Variants in HTR1D observed in about 807,000 individuals in gnomAD.
HTR1D encodes 5-HT-1D.
Under a neutral mutation model 21.1 loss-of-function variants are expected in HTR1D, and 18 were observed. The ratio of observed to expected loss-of-function variants is 0.85; its 90% CI spans 0.59 to 1.27. HTR1D has a LOEUF of 1.27. Among genes scored for constraint, HTR1D ranks in the 50% most tolerant of loss-of-function variants. The pLI is 0.00. For missense variants in HTR1D, 456 were observed against 481.4 expected, an observed-to-expected ratio of 0.95 and a Z score of 0.49; for synonymous variants, 196 against 204.4, an observed-to-expected ratio of 0.96 and a Z score of 0.35.
rs1405565413 is a variant in HTR1D, at chr1:23,193,350, C to T, written c.870G>A (p.Arg290=). 6.2e-7 allele frequency: 1 copy of T among 1,614,188 alleles called. No homozygotes were observed. The highest frequency in any genetic ancestry group is 2.2e-5 in the East Asian group (1 of 44,886). The change falls in exon 2 of 2, where the codon AGG becomes AGA. Residue 290 remains arginine, a synonymous_variant. Transcript: ENST00000374619. ...KLADSALERK[R]ISAARERKAT... ...CTTTCCTTTCTCGAGCAGCAGAAATCCTCTTGCGTTCCAGGGCACTGTCAG... is the reference window on the plus strand; with the variant it reads ...CTTTCCTTTCTCGAGCAGCAGAAATTCTCTTGCGTTCCAGGGCACTGTCAG...
Position 23,192,046 on chromosome 1 carries a change from C to A in HTR1D, c.*1040G>T, listed in dbSNP as rs937085722. 7.1e-6 allele frequency: 1 copy of A among 141,302 alleles called. No homozygotes were observed. Among genetic ancestry groups the A allele is most frequent in the Non-Finnish European group, 1.6e-5 (1 of 64,366 alleles). The allele number at this position is 141,302 out of a possible 1,614,324, so 8.8% of individuals were successfully genotyped here. A position where few individuals can be genotyped will look rare whatever the true frequency, so the allele number is the denominator to read the frequency against. Reference sequence around the variant, plus strand: ...AAGCTTGCGGTGGGTGGGGGGTGGGCGTCTAAAGCCGGTCAATCTACCTCA... The same window carrying A: ...AAGCTTGCGGTGGGTGGGGGGTGGGAGTCTAAAGCCGGTCAATCTACCTCA... On this transcript the variant is annotated 3_prime_UTR_variant, in exon 2 of 2. Transcript: ENST00000374619.
At chr1:23,214,425 A>ATCAT (rs142572853) in intron 1 of HTR1D, among the ~76,000 whole-genome samples, 11,491 of 151,780 alleles carry the variant, frequency 0.076, 1,431 homozygotes, top group African/African-American at 0.26. Context: ...AGACTCTGTC[A>ATCAT]TCATTCATTC....
At chr1:23,213,842 G>A (rs538101191) in intron 1 of HTR1D, among the ~76,000 whole-genome samples, 1 of 152,234 alleles carries the variant, frequency 6.6e-6, no homozygotes, top group African/African-American at 2.4e-5. Flanking sequence ...ACAGGTGTGA[G>A]CCACGCTACC....
chr1:23,216,927 G>T (rs1187906169), intron 1 of HTR1D, among the ~76,000 whole-genome samples: 2 of 152,034 alleles, frequency 1.3e-5, no homozygotes, highest in African/African-American at 4.8e-5. Context: ...GGCAGCGCCC[G>T]GCTTCCCTTG....
At position 23,206,325 on chromosome 1, in the gene HTR1D, G is replaced by A. The variant is rs113653489; in HGVS notation, c.-783+10966C>T. On this transcript the variant is annotated intron_variant, in intron 1 of 1. Coordinates refer to ENST00000374619, the MANE Select transcript of HTR1D (RefSeq NM_000864.5). ...GATTACGGGCGTGAGCCAACGCGCC[G>A]GGCCCAGAATCTTCCTTTCAACTAA... Among the ~76,000 whole-genome samples, 1,335 of 152,098 alleles carry A rather than the reference G, an allele frequency of 8.8e-3. 9 individuals are homozygous for A. The highest frequency in any genetic ancestry group is 0.014 in the Middle Eastern group (4 of 292).
intron 1 of HTR1D, among the ~76,000 whole-genome samples, chr1:23,216,665 C>A (rs1644774426): frequency 6.6e-6 from 1 of 152,256 alleles, no homozygotes; most frequent in Non-Finnish European, 1.5e-5. Flanking sequence ...TTATACAGAA[C>A]TTTACAGTTT....
At chr1:23,215,720 T>C (rs1204057107) in intron 1 of HTR1D, among the ~76,000 whole-genome samples, 1 of 152,192 alleles carries the variant, frequency 6.6e-6, no homozygotes, top group African/African-American at 2.4e-5. Flanking sequence ...CATCTCTGTT[T>C]TTCTGGCCCT....
chr1:23,202,307 G>T (rs1644712451), intron 1 of HTR1D, among the ~76,000 whole-genome samples: 1 of 152,082 alleles, frequency 6.6e-6, no homozygotes, highest in African/African-American at 2.4e-5. Context: ...TGGCCAGGCT[G>T]GTTTCGTACT....
intron 1 of HTR1D, among the ~76,000 whole-genome samples, chr1:23,208,657 A>G (rs1644741651): frequency 6.6e-6 from 1 of 152,044 alleles, no homozygotes; most frequent in South Asian, 2.1e-4. Flanking sequence ...AAAATCACCA[A>G]CTGCTCCTAT....
chr1:23,210,377 C>T (rs1285038328), intron 1 of HTR1D, among the ~76,000 whole-genome samples: 1 of 152,222 alleles, frequency 6.6e-6, no homozygotes, highest in Non-Finnish European at 1.5e-5. Context: ...CACGCCCAGC[C>T]AGGTCTGCAG....
chr1:23,206,282 G>A (rs1439099806), intron 1 of HTR1D, among the ~76,000 whole-genome samples: 2 of 151,790 alleles, frequency 1.3e-5, no homozygotes, highest in Non-Finnish European at 2.9e-5. Flanking sequence ...CACCCACCTC[G>A]GCCTCCCAAA....
rs866094442 is a variant in HTR1D at position 23,216,066 on chromosome 1, G to A, written c.-783+1225C>T. Among the ~76,000 whole-genome samples, 93 of 152,336 alleles carry A rather than the reference G, an allele frequency of 6.1e-4. No homozygotes were observed. The Middle Eastern group carries it at 0.014, about 22-fold the overall frequency. On this transcript the variant is annotated intron_variant, in intron 1 of 1. Transcript: ENST00000374619. ...TCCCCACCAGTGGAGCAGGACTAAA[G>A]ACTGAAAAAGGCTGGCTACCCCAAT...
intron 1 of HTR1D, among the ~76,000 whole-genome samples, chr1:23,196,088 G>A (rs1371281884): frequency 6.6e-6 from 1 of 151,976 alleles, no homozygotes; most frequent in Non-Finnish European, 1.5e-5. Flanking sequence ...CGATCCTCCA[G>A]CCTTGACCTC....
rs1337607853 is a variant in HTR1D at position 23,194,078 on chromosome 1, T to C, written c.142A>G (p.Ile48Val). ...KISLAVVLSV[I>V]TLATVLSNAF... is the part of the protein sequence containing the mutation. ...TTGGAGAGGACTGTGGCCAGTGTGA[T>C]GACGGAAAGGACCACGGCAAGGGAG... is the stretch of plus-strand genomic sequence containing the variant. Residue 48 changes from isoleucine (I) to valine (V), a missense_variant, in exon 2 of 2, where the codon ATC (isoleucine) becomes GTC (valine). By Grantham distance (29) the Ile-to-Val change is conservative (BLOSUM62 3). Transcript: ENST00000374619. The C allele has an allele frequency of 6.2e-7, 1 of 1,614,162 alleles. No individual in the cohort carries two copies.
chr1:23,208,913 T>C (rs1644742689), intron 1 of HTR1D, among the ~76,000 whole-genome samples: 2 of 151,970 alleles, frequency 1.3e-5, no homozygotes, highest in African/African-American at 2.4e-5. Flanking sequence ...GAATATAAAA[T>C]ATCTCACTAA....
At chr1:23,214,772 T>G (rs960659566) in intron 1 of HTR1D, among the ~76,000 whole-genome samples, 7 of 152,168 alleles carry the variant, frequency 4.6e-5, no homozygotes, top group Non-Finnish European at 7.3e-5. Context: ...ATACACCTCC[T>G]GTCTAGCTCA....
intron 1 of HTR1D, among the ~76,000 whole-genome samples, chr1:23,216,309 G>A (rs949610048): frequency 6.6e-6 from 1 of 152,262 alleles, no homozygotes; most frequent in African/African-American, 2.4e-5. Flanking sequence ...TTTGGAGCCA[G>A]GGGCTGTGCT....
chr1:23,205,993 A>G (rs774913214), intron 1 of HTR1D, among the ~76,000 whole-genome samples: 1 of 150,122 alleles, frequency 6.7e-6, no homozygotes, highest in Non-Finnish European at 1.5e-5. Context: ...CCCAGCCTCT[A>G]CCCCTGGCTC....
At position 23,193,971 on chromosome 1, in the gene HTR1D, G is replaced by A. The variant is rs1322048599; in HGVS notation, c.249C>T (p.Thr83=). 20 of 1,614,066 alleles carry A rather than the reference G, an allele frequency of 1.2e-5. No homozygotes were observed. Among genetic ancestry groups the A allele is most frequent in the East Asian group, 4.5e-5 (2 of 44,898 alleles). ...ANYLIGSLAT[T]DLLVSILVMP... Reference sequence around the variant, plus strand: ...TTACCAAGATGGAAACCAAGAGGTCGGTGGTGGCCAGGGAGCCAATCAGGT... The same window carrying A: ...TTACCAAGATGGAAACCAAGAGGTCAGTGGTGGCCAGGGAGCCAATCAGGT... Residue 83 remains threonine, a synonymous_variant, in exon 2 of 2, where the codon ACC becomes ACT. Coordinates refer to ENST00000374619, the MANE Select transcript of HTR1D (RefSeq NM_000864.5).
Sources: gnomAD v4.1 joint callset for allele counts (sites outside exome capture counted in the v4.1 genomes callset) on GRCh38, gnomAD v4.1.1 for gene constraint, MANE v1.5 for transcripts, NCBI Gene and HGNC (gene_info 2026-07-23, HGNC 2026-07-21) for gene names.